CEP57: variants seen among roughly 807,000 people sequenced by gnomAD.
The protein encoded by CEP57 is centrosomal protein 57, also known as centrosomal protein of 57 kDa.
Under a neutral mutation model 68.0 loss-of-function variants are expected in CEP57, and 40 were observed. The observed-to-expected ratio is 0.59, with a 90% CI of 0.46 to 0.77. The LOEUF (loss-of-function observed/expected upper bound fraction) is 0.77, where lower values mean the gene tolerates loss of function less well. Ranked by LOEUF, CEP57 falls within the 30% of genes least tolerant of loss-of-function variation. The pLI is 0.00. For missense variants in CEP57, 606 were observed against 580.7 expected, an observed-to-expected ratio of 1.04 and a Z score of -0.45; for synonymous variants, 219 against 198.7, an observed-to-expected ratio of 1.10 and a Z score of -0.86.
chr11:95,806,069 C>T (rs1861785767), intron 2 of CEP57, among the ~76,000 whole-genome samples: 1 of 152,178 alleles, frequency 6.6e-6, no homozygotes, highest in Non-Finnish European at 1.5e-5. Context: ...TGTTAAAGCA[C>T]TGATGACTTC....
intron 1 of CEP57, among the ~76,000 whole-genome samples, chr11:95,792,200 AAAAAGT>A (rs1407187067): frequency 3.9e-4 from 59 of 152,352 alleles, no homozygotes; most frequent in African/African-American, 1.3e-3. Flanking sequence ...CAGTAAAAGA[AAAAAGT>A]AAAAAACTAT....
chr11:95,806,841 A>C lies in CEP57; in HGVS notation c.203-6091A>C, dbSNP rs560797910. Among the ~76,000 whole-genome samples the C allele has an allele frequency of 1.1e-3, 170 of 152,302 alleles. No homozygotes were observed. The Middle Eastern group carries it at 0.017, about 15-fold the overall frequency. On this transcript the variant is annotated intron_variant, in intron 2 of 10. Transcript: ENST00000325542. The stretch of plus-strand genomic sequence containing the variant: ...AGCAGAAACTTCTGCAGACTTAAAC[A>C]TTCCTGTCTGACAGCTTTGAAGAGA...
intron 10 of CEP57, among the ~76,000 whole-genome samples, chr11:95,830,521 A>G (rs1388556507): frequency 6.6e-6 from 1 of 152,184 alleles, no homozygotes; most frequent in Non-Finnish European, 1.5e-5. Context: ...CAAAAATAAA[A>G]TTCTTTTCAT....
In CEP57 at chr11:95,821,821, T is replaced by A. The variant is rs143492267; in HGVS notation, c.700-50T>A. The A allele has an allele frequency of 2.7e-5, 35 of 1,284,742 alleles. No individual in the cohort carries two copies. The Admixed American group carries it at 3.1e-4, about 11-fold the overall frequency. 79.6% of individuals were successfully genotyped at this position (1,284,742 alleles called of 1,614,324 possible). On this transcript the variant is annotated intron_variant, in intron 6 of 10. Coordinates refer to ENST00000325542, the MANE Select transcript of CEP57 (RefSeq NM_014679.5). ...TTACATGACACATCTGAAATCTGAG[T>A]CATAGCTTTTATTTCTACAGCATTA...
chr11:95,827,517 A>G (rs1862795094), intron 8 of CEP57: 1 of 405,612 alleles, frequency 2.5e-6, no homozygotes, highest in African/African-American at 2.0e-5. Flanking sequence ...CAAAATGGAG[A>G]GAAGGGGAGG....
intron 8 of CEP57, chr11:95,827,542 G>T: frequency 2.1e-6 from 1 of 487,784 alleles, no homozygotes; most frequent in Non-Finnish European, 3.7e-6. Flanking sequence ...TAGGACATGA[G>T]GCTAGGAAAT....
Position 95,831,983 on chromosome 11 carries a change from G to A in CEP57, c.*727G>A, listed in dbSNP as rs1225895330. 1 of 152,090 alleles carries A rather than the reference G, an allele frequency of 6.6e-6. No individual in the cohort carries two copies. The highest frequency in any genetic ancestry group is 6.6e-5 in the Admixed American group (1 of 15,260). The allele number at this position is 152,090 out of a possible 1,614,324, so 9.4% of individuals were successfully genotyped here. On this transcript the variant is annotated 3_prime_UTR_variant, in exon 11 of 11. Transcript: ENST00000325542. Reference sequence around the variant, plus strand: ...AAAGTGAGAATGGGAGAAGGGATATGTTGTGAGCATATACCTTCACAGTTC... The same window carrying A: ...AAAGTGAGAATGGGAGAAGGGATATATTGTGAGCATATACCTTCACAGTTC...
intron 1 of CEP57, among the ~76,000 whole-genome samples, chr11:95,798,006 A>G (rs1263780460): frequency 2.0e-5 from 3 of 152,022 alleles, no homozygotes; most frequent in Admixed American, 2.0e-4. Flanking sequence ...AGAATTGAAA[A>G]CTCATCCTAT....
intron 2 of CEP57, among the ~76,000 whole-genome samples, chr11:95,806,986 A>AC (rs1193008725): frequency 6.6e-6 from 1 of 152,056 alleles, no homozygotes; most frequent in Non-Finnish European, 1.5e-5. Flanking sequence ...GCCGACTGAC[A>AC]CCTCATACAG....
intron 4 of CEP57, 147 bp downstream of exon 4, chr11:95,813,736 A>G: frequency 1.2e-6 from 1 of 854,434 alleles, no homozygotes; most frequent in Middle Eastern, 3.2e-4. Context: ...AAATCTAAAT[A>G]TGTGATTGGC....
At chr11:95,797,516 G>A (rs1022864367) in intron 1 of CEP57, among the ~76,000 whole-genome samples, 3 of 152,072 alleles carry the variant, frequency 2.0e-5, no homozygotes, top group African/African-American at 7.2e-5. Flanking sequence ...CTGGCAACCA[G>A]CTTCCAGAAG....
At chr11:95,818,190 T>A (rs1018924656) in intron 5 of CEP57, among the ~76,000 whole-genome samples, 1 of 151,984 alleles carries the variant, frequency 6.6e-6, no homozygotes, top group African/African-American at 2.4e-5. Flanking sequence ...GGCGGGTGGA[T>A]CACCTGAGGT....
At chr11:95,813,999 G>A (rs1412034984) in intron 4 of CEP57, among the ~76,000 whole-genome samples, 1 of 152,130 alleles carries the variant, frequency 6.6e-6, no homozygotes, top group Non-Finnish European at 1.5e-5. Flanking sequence ...TTCGTATTTA[G>A]GTGACCTGTA....
chr11:95,829,140 T>C, intron 9 of CEP57, 47 bp from the exon 10 acceptor site: 1 of 1,606,270 alleles, frequency 6.2e-7, no homozygotes, highest in Non-Finnish European at 8.5e-7. Flanking sequence ...GACCTAACCA[T>C]GAAACACAGA....
rs779661526 is a variant in CEP57 at position 95,831,282 on chromosome 11, T to G, written c.*26T>G. On this transcript the variant is annotated 3_prime_UTR_variant, in exon 11 of 11. Transcript: ENST00000325542. ...CTCATAACCAGGTCAGAAATTTTAT[T>G]CAGATAATCTGTACCTCATCAATCA... is the stretch of plus-strand genomic sequence containing the variant. 3 of 1,478,186 alleles carry G rather than the reference T, an allele frequency of 2.0e-6. No homozygotes were observed. The highest frequency in any genetic ancestry group is 2.8e-6 in the Non-Finnish European group (3 of 1,058,546). 91.6% of individuals were successfully genotyped at this position (1,478,186 alleles called of 1,614,324 possible). A position where few individuals can be genotyped will look rare whatever the true frequency, so the allele number is the denominator to read the frequency against.
At chr11:95,811,892 G>A (rs1004967441) in intron 2 of CEP57, among the ~76,000 whole-genome samples, 4 of 152,110 alleles carry the variant, frequency 2.6e-5, no homozygotes, top group Admixed American at 6.5e-5. Flanking sequence ...TTTTAAGACT[G>A]ATTGCCTGAG....
At chr11:95,815,280 G>A (rs190079239) in intron 4 of CEP57, 11 of 152,262 alleles carry the variant, frequency 7.2e-5, no homozygotes, top group Middle Eastern at 3.4e-3. Flanking sequence ...TAATTCTTGT[G>A]TGTGATAGGT....
chr11:95,802,755 T>TA (rs1861635609), intron 2 of CEP57, among the ~76,000 whole-genome samples: 1 of 152,242 alleles, frequency 6.6e-6, no homozygotes, highest in African/African-American at 2.4e-5. Context: ...AGTGAAGTCT[T>TA]ACTATTAATA....
At chr11:95,818,463 T>TTGG (rs2135340817) in intron 5 of CEP57, among the ~76,000 whole-genome samples, 1 of 152,202 alleles carries the variant, frequency 6.6e-6, no homozygotes, top group Admixed American at 6.5e-5. Flanking sequence ...CTTGCATCAC[T>TTGG]TGGTTTAAGT....
Sources: gnomAD v4.1 joint callset for allele counts (sites outside exome capture counted in the v4.1 genomes callset) on GRCh38, gnomAD v4.1.1 for gene constraint, MANE v1.5 for transcripts, NCBI Gene and HGNC (gene_info 2026-07-23, HGNC 2026-07-21) for gene names.